Variants in VGLL4 observed in about 807,000 individuals in gnomAD.
The protein encoded by VGLL4 is transcription cofactor vestigial-like protein 4.
In VGLL4, 7 loss-of-function variants were observed where a neutral mutation model predicts 21.0. The ratio of observed to expected loss-of-function variants is 0.33; its 90% CI spans 0.19 to 0.63. VGLL4 has a LOEUF of 0.63. Ranked by LOEUF, VGLL4 falls within the 20% of genes least tolerant of loss-of-function variation. The pLI, the probability that VGLL4 is intolerant of heterozygous loss-of-function variation, is 0.78. For synonymous variants in VGLL4, 222 were observed against 173.2 expected (o/e 1.28, Z -2.21); for missense variants, 394 against 425.7 (o/e 0.93, Z 0.66).
At chr3:11,603,611 G>A (rs1425419585) in intron 1 of VGLL4, among the ~76,000 whole-genome samples, 4 of 152,138 alleles carry the variant, frequency 2.6e-5, no homozygotes, top group Non-Finnish European at 5.9e-5. Flanking sequence ...AACTTTCTGG[G>A]AAGCCCTGAT....
At chr3:11,609,558 T>A (rs1016561107) in intron 1 of VGLL4, among the ~76,000 whole-genome samples, 1 of 152,232 alleles carries the variant, frequency 6.6e-6, no homozygotes, top group African/African-American at 2.4e-5. Flanking sequence ...AAATGCAGAT[T>A]CGATTTTCAT....
intron 1 of VGLL4, among the ~76,000 whole-genome samples, chr3:11,711,098 CA>C (rs1273595685): frequency 0.055 from 7,242 of 131,574 alleles, 560 homozygotes; most frequent in African/African-American, 0.18. Flanking sequence ...GACTCCATCT[CA>C]AAAAAAAAAA....
intron 2 of VGLL4, chr3:11,702,871 G>T: frequency 9.0e-7 from 1 of 1,113,526 alleles, no homozygotes; most frequent in Non-Finnish European, 1.2e-6. Flanking sequence ...ACAGCAAATA[G>T]CCAGAAAACC....
chr3:11,669,296 G>A (rs541401710), intron 2 of VGLL4, among the ~76,000 whole-genome samples: 32 of 152,304 alleles, frequency 2.1e-4, no homozygotes, highest in African/African-American at 7.5e-4. Flanking sequence ...AAAGCCAGGA[G>A]GATCCTTGAG....
exon 1 of VGLL4, chr3:11,720,469 G>C (rs1334076531): frequency 1.3e-5 from 2 of 152,672 alleles, no homozygotes; most frequent in East Asian, 3.8e-4. Flanking sequence ...CGGCGGTCCC[G>C]GGCGCTCCGA....
chr3:11,683,900 T>C (rs2076410159), intron 2 of VGLL4, among the ~76,000 whole-genome samples: 1 of 152,200 alleles, frequency 6.6e-6, no homozygotes. Flanking sequence ...TTTTAACTTC[T>C]GGATATTAGT....
intron 2 of VGLL4, 122 bp downstream of exon 2, chr3:11,601,711 A>G: frequency 8.2e-7 from 1 of 1,224,222 alleles, no homozygotes. Flanking sequence ...TTTCTTTTGT[A>G]AATAATATCC....
intron 2 of VGLL4, among the ~76,000 whole-genome samples, chr3:11,597,170 A>C (rs934894770): frequency 2.6e-5 from 4 of 152,136 alleles, no homozygotes; most frequent in African/African-American, 9.7e-5. Context: ...TAATAAGTAG[A>C]TAAATAGGCA....
chr3:11,674,011 CAAAAAAAAA>C lies in VGLL4; in HGVS notation c.64+28951_64+28959del, dbSNP rs11293628. ...TGGGTGACAGAGCGAGACTTTGTCT[CAAAAAAAAA>C]AAAAAAAAAAAAAAAAAGAAATCAG... is the stretch of plus-strand genomic sequence containing the variant. On this transcript the variant is annotated intron_variant, in intron 2 of 5. Transcript: ENST00000273038. Among the ~76,000 whole-genome samples the C allele has an allele frequency of 3.7e-4, 21 of 56,900 alleles. No homozygotes were observed. In the East Asian group the frequency reaches 6.7e-3, roughly 18 times the overall value. 37.3% of individuals were successfully genotyped at this position (56,900 alleles called of 152,430 possible).
chr3:11,677,023 G>A (rs1273627250), intron 2 of VGLL4, among the ~76,000 whole-genome samples: 1 of 152,018 alleles, frequency 6.6e-6, no homozygotes, highest in Non-Finnish European at 1.5e-5. Context: ...TTTTTTTACT[G>A]TGCAACACAT....
intron 1 of VGLL4, among the ~76,000 whole-genome samples, chr3:11,627,833 A>G (rs887476993): frequency 5.3e-5 from 8 of 152,228 alleles, no homozygotes; most frequent in Non-Finnish European, 1.2e-4. Flanking sequence ...TGATATAAAC[A>G]TATCACACAT....
At chr3:11,601,526 G>A (rs1018723640) in intron 2 of VGLL4, among the ~76,000 whole-genome samples, 38 of 152,286 alleles carry the variant, frequency 2.5e-4, no homozygotes, top group African/African-American at 8.2e-4. Flanking sequence ...AAAAAAAAGC[G>A]AAGCTTAGCA....
intron 2 of VGLL4, among the ~76,000 whole-genome samples, chr3:11,576,575 G>A (rs1030070817): frequency 2.0e-5 from 3 of 152,338 alleles, no homozygotes; most frequent in African/African-American, 7.2e-5. Flanking sequence ...TCAGCATGTC[G>A]GCATCCTGCC....
intron 1 of VGLL4, among the ~76,000 whole-genome samples, chr3:11,640,976 G>A (rs187887260): frequency 6.6e-6 from 1 of 152,144 alleles, no homozygotes; most frequent in East Asian, 1.9e-4. Flanking sequence ...AATGGGCCGG[G>A]CATGGTGGCA....
intron 2 of VGLL4, among the ~76,000 whole-genome samples, chr3:11,671,814 T>C (rs1334506931): frequency 6.6e-6 from 1 of 152,114 alleles, no homozygotes; most frequent in Non-Finnish European, 1.5e-5. Flanking sequence ...CTCTTAAAAA[T>C]AGGTTTTCAA....
chr3:11,663,330 G>A (rs2076062055), intron 2 of VGLL4, among the ~76,000 whole-genome samples: 1 of 152,132 alleles, frequency 6.6e-6, no homozygotes, highest in East Asian at 1.9e-4. Context: ...AGAATAAGTT[G>A]GCGTTTAAAG....
rs1208096405 is a variant in VGLL4 at position 11,601,999 on chromosome 3, G to A, written c.106C>T (p.Pro36Ser). The A allele has an allele frequency of 1.3e-6, 2 of 1,583,308 alleles. No homozygotes were observed. The highest frequency in any genetic ancestry group is 1.4e-5 in the African/African-American group (1 of 72,846). The change falls in exon 2 of 5, where the codon CCC becomes TCC. Residue 36 changes from proline to serine, a missense_variant. Pro to Ser is a moderately conservative substitution (Grantham distance 74). Coordinates refer to ENST00000430365, the MANE Select transcript of VGLL4 (RefSeq NM_001128219.3). ...YEGEAALRGE[P>S]RIQTLPVASA... ...GCCACCGGCAGGGTCTGTATTCTGGGTTCTCCCCTGAGAGCAGCTTCGCCT... is the reference window on the plus strand; with the variant it reads ...GCCACCGGCAGGGTCTGTATTCTGGATTCTCCCCTGAGAGCAGCTTCGCCT...
At chr3:11,578,231 G>C (rs1575406962) in intron 2 of VGLL4, among the ~76,000 whole-genome samples, 1 of 152,298 alleles carries the variant, frequency 6.6e-6, no homozygotes, top group East Asian at 1.9e-4. Context: ...TCACATAAAA[G>C]TCTCCAATCC....
chr3:11,662,558 C>G (rs2076052307), intron 2 of VGLL4, among the ~76,000 whole-genome samples: 1 of 152,212 alleles, frequency 6.6e-6, no homozygotes, highest in South Asian at 2.1e-4. Flanking sequence ...AATATACTCC[C>G]AATTCCCTTC....
Sources: gnomAD v4.1 joint callset for allele counts (sites outside exome capture counted in the v4.1 genomes callset) on GRCh38, gnomAD v4.1.1 for gene constraint, MANE v1.5 for transcripts, NCBI Gene and HGNC (gene_info 2026-07-23, HGNC 2026-07-21) for gene names.